The following SLC22A31 variants were observed in gnomAD, a reference collection of about 807,000 sequenced individuals.
The protein encoded by SLC22A31 is putative solute carrier family 22 member 31.
Under a neutral mutation model 27.4 loss-of-function variants are expected in SLC22A31, and 42 were observed. That is an observed-to-expected ratio of 1.53 (90% confidence interval 1.20 to 1.98). The LOEUF (loss-of-function observed/expected upper bound fraction) is 1.98, where lower values mean the gene tolerates loss of function less well. Among genes scored for constraint, SLC22A31 ranks in the 30% most tolerant of loss-of-function variants. The pLI is 0.00. For missense variants in SLC22A31, 593 were observed against 479.9 expected (o/e 1.24, Z -2.20); for synonymous variants, 290 against 230.8 (o/e 1.26, Z -2.33).
At position 89,196,116 on chromosome 16, in the gene SLC22A31, C is replaced by T. The variant is rs1304832368; in HGVS notation, c.1224G>A (p.Gln408=). The change falls in exon 9 of 9, where the codon CAG becomes CAA. Residue 408 remains glutamine (Q), a synonymous_variant. Transcript: ENST00000682282. ...SRSRGLPQSL[Q]DADRLRRSPL... ...GGGAGCGGCGCAGGCGGTCGGCGTC[C>T]TGCAGTGACTGGGGCAGCCCCCGGC... 2 of 1,534,458 alleles carry T rather than the reference C, an allele frequency of 1.3e-6. No homozygotes were observed. The highest frequency in any genetic ancestry group is 1.4e-5 in the African/African-American group (1 of 72,992).
chr16:89,201,501 G>C, upstream of SLC22A31: 1 of 396,798 alleles, frequency 2.5e-6, no homozygotes, highest in Non-Finnish European at 4.5e-6. Flanking sequence ...GGGCAACAGC[G>C]TGGGGTCCGG....
chr16:89,199,950 T>A (rs1288375664), intron 1 of SLC22A31, 134 bp from the exon 2 acceptor site: 1 of 398,742 alleles, frequency 2.5e-6, no homozygotes, highest in African/African-American at 2.1e-5. Context: ...AAGGGGAAAC[T>A]GAGGCATGAG....
In SLC22A31 at chr16:89,199,190, G is replaced by A. The variant is rs1208909636; in HGVS notation, c.285C>T (p.Arg95=). Residue 95 remains arginine, a splice_region_variant and synonymous_variant, in exon 4 of 9, where the codon CGC becomes CGT. Transcript: ENST00000682282. ...GGTGGGGAGGGTCACACAACTCCAG[G>A]CCTGGGCAGACACAGACAGGTTGAA... The part of the protein sequence containing the change: ...AGALLALYLA[R]LELCDPPHRL... The A allele has an allele frequency of 2.0e-6, 3 of 1,526,394 alleles. No homozygotes were observed. Among genetic ancestry groups the A allele is most frequent in the African/African-American group, 1.4e-5 (1 of 72,486 alleles). The allele number at this position is 1,526,394 out of a possible 1,614,324, so 94.6% of individuals were successfully genotyped here.
chr16:89,199,021 AC>A lies in SLC22A31; in HGVS notation c.452+1del, dbSNP rs1181289956. 2 of 1,534,192 alleles carry A rather than the reference AC, an allele frequency of 1.3e-6. No individual in the cohort carries two copies. Among genetic ancestry groups the A allele is most frequent in the Admixed American group, 2.0e-5 (1 of 50,836 alleles). On this transcript the variant is annotated splice_donor_variant, in intron 4 of 8. Transcript: ENST00000682282. LOFTEE classifies it high-confidence loss of function. ...TGCTGGCCCAGCTCCCACCACACTT[AC>A]CCCCAAAAGAGCAGCAAGAGTCCAC...
rs1020848053 is a variant in SLC22A31, at chr16:89,199,733, GAT to G, written c.106_107del (p.Ile36ProfsTer6). The G allele has an allele frequency of 2.5e-6, 1 of 404,968 alleles. No homozygotes were observed. The highest frequency in any genetic ancestry group is 2.1e-5 in the African/African-American group (1 of 48,752). 25.1% of individuals were successfully genotyped at this position (404,968 alleles called of 1,614,324 possible). On this transcript the variant is annotated frameshift_variant, in exon 2 of 9. Transcript: ENST00000682282. LOFTEE classifies it high-confidence loss of function. ...CTCACCGGTCACAGCCTGCTCCCAG[GAT>G]GACACAGCCCAGCAGCCAGCCCAGG... ...HLLGWLLGCV[I>X]LGAGCDRFGR...
At chr16:89,198,866 C>T in intron 4 of SLC22A31, 69 bp from the exon 5 acceptor site, 8 of 1,496,522 alleles carry the variant, frequency 5.3e-6, no homozygotes, top group Non-Finnish European at 7.1e-6. Flanking sequence ...AAGGCCAGGG[C>T]CCCCACCCCA....
chr16:89,201,133 A>G (rs2151617818), upstream of SLC22A31: 3 of 377,100 alleles, frequency 8.0e-6, no homozygotes, highest in Non-Finnish European at 4.7e-6. Context: ...GCCGCCCCGG[A>G]GCAGGAAGCC....
Position 89,198,694 on chromosome 16 carries a change from C to G in SLC22A31, c.556G>C (p.Gly186Arg). ...TCCTCCAAGGAACTGTCCCCGGGGC[C>G]CACGCCACTGGCTTCTGCAAAGCGC... is the stretch of plus-strand genomic sequence containing the variant. ...LWRFAEASGV[G>R]PGDSSLEENS... Residue 186 changes from glycine to arginine, a missense_variant, in exon 5 of 9, where the codon GGC becomes CGC. Gly to Arg is a moderately radical substitution (Grantham distance 125). Coordinates refer to ENST00000682282, the MANE Select transcript of SLC22A31 (RefSeq NM_001384763.1). The G allele has an allele frequency of 6.5e-7, 1 of 1,535,754 alleles. No individual in the cohort carries two copies. The highest frequency in any genetic ancestry group is 1.4e-5 in the African/African-American group (1 of 73,172).
intron 4 of SLC22A31, 53 bp from the exon 5 acceptor site, chr16:89,198,850 G>A: frequency 6.6e-7 from 1 of 1,507,082 alleles, no homozygotes; most frequent in African/African-American, 1.4e-5. Flanking sequence ...CCTGGAAGGA[G>A]AGGCAAAGGC....
intron 1 of SLC22A31, chr16:89,200,106 C>G: frequency 3.3e-6 from 1 of 299,280 alleles, no homozygotes. Flanking sequence ...ATTGCTCTTC[C>G]CCCACGGCCA....
chr16:89,197,701 G>A (rs993480945), intron 7 of SLC22A31, among the ~76,000 whole-genome samples: 1 of 152,168 alleles, frequency 6.6e-6, no homozygotes, highest in African/African-American at 2.4e-5. Flanking sequence ...TTGCAATTTC[G>A]AGAACCGTCC....
At position 89,196,051 on chromosome 16, in the gene SLC22A31, A is replaced by T; in HGVS notation, c.1289T>A (p.Leu430Gln). ...CCAGTAGGAGTTGGAGGGCGGCAGC[A>T]GAGGCAGGTGGTCCTGGCGGGGGCG... ...RGRPRQDHLP[L>Q]LPPSNSYWAG... is the part of the protein sequence containing the mutation. Residue 430 changes from leucine to glutamine, a missense_variant, in exon 9 of 9, where the codon CTG (leucine) becomes CAG (glutamine). Physicochemically the swap from Leu to Gln is moderately radical, Grantham distance 113. Transcript: ENST00000682282. The T allele has an allele frequency of 6.5e-7, 1 of 1,529,986 alleles. No homozygotes were observed. The highest frequency in any genetic ancestry group is 1.2e-5 in the South Asian group (1 of 83,608). 94.8% of individuals were successfully genotyped at this position (1,529,986 alleles called of 1,614,324 possible).
chr16:89,196,018 T>C lies in SLC22A31; in HGVS notation c.1322A>G (p.His441Arg). 1 of 1,515,110 alleles carries C rather than the reference T, an allele frequency of 6.6e-7. No individual in the cohort carries two copies. The highest frequency in any genetic ancestry group is 8.8e-7 in the Non-Finnish European group (1 of 1,136,618). 93.9% of individuals were successfully genotyped at this position (1,515,110 alleles called of 1,614,324 possible). The part of the protein sequence containing the change: ...LPPSNSYWAG[H>R]TPEQH ...GCAGGACTAGTGCTGCTCGGGGGTG[T>C]GGCCGGCCCAGTAGGAGTTGGAGGG... The change falls in exon 9 of 9, where the codon CAC becomes CGC. Residue 441 changes from histidine (H) to arginine (R), a missense_variant. His to Arg is a conservative substitution (Grantham distance 29). Coordinates refer to ENST00000682282, the MANE Select transcript of SLC22A31 (RefSeq NM_001384763.1).
chr16:89,197,240 C>A, intron 8 of SLC22A31, 58 bp downstream of exon 8: 3 of 1,382,458 alleles, frequency 2.2e-6, no homozygotes, highest in Non-Finnish European at 3.0e-6. Context: ...CACCTGGCCC[C>A]TCCTCCCCAT....
rs751780190 is a variant in SLC22A31, at chr16:89,198,232, G to A, written c.812C>T (p.Ala271Val). The change falls in exon 7 of 9, where the codon GCC becomes GTC. Residue 271 changes from alanine to valine, a missense_variant. Coordinates refer to ENST00000682282, the MANE Select transcript of SLC22A31 (RefSeq NM_001384763.1). ...TGCCGTCAGGAGCAGGAAGACCAAGGCTGCCGCCTCCAGGCCGGCCTCCAG... is the reference window on the plus strand; with the variant it reads ...TGCCGTCAGGAGCAGGAAGACCAAGACTGCCGCCTCCAGGCCGGCCTCCAG... The part of the protein sequence containing the change: ...YFLEAGLEAA[A>V]LVFLLLTADC... 15 of 1,535,930 alleles carry A rather than the reference G, an allele frequency of 9.8e-6. No individual in the cohort carries two copies. The South Asian group carries it at 1.8e-4, about 18-fold the overall frequency.
chr16:89,198,502 G>T lies in SLC22A31; in HGVS notation c.647C>A (p.Pro216Gln), dbSNP rs377534909. The T allele has an allele frequency of 6.6e-7, 1 of 1,518,046 alleles. No homozygotes were observed. The highest frequency in any genetic ancestry group is 1.2e-5 in the South Asian group (1 of 81,506). The allele number at this position is 1,518,046 out of a possible 1,614,324, so 94.0% of individuals were successfully genotyped here. ...GACTCGGGTACGCAGAAGCCCCAGT[G>T]GGGAGTGGTACCGGGGCTGGGGGCT... ...ARSPQPRYHS[P>Q]LGLLRTRVTW... The change falls in exon 6 of 9, where the codon CCA (proline) becomes CAA (glutamine). Residue 216 changes from proline (P) to glutamine (Q), a missense_variant. Transcript: ENST00000682282.
At position 89,198,693 on chromosome 16, in the gene SLC22A31, C is replaced by A. The variant is rs74640353; in HGVS notation, c.557G>T (p.Gly186Val). 0.048 allele frequency: 73,065 copies of A among 1,535,258 alleles called. 2,577 individuals are homozygous for A. The highest frequency in any genetic ancestry group is 0.18 in the East Asian group (7,176 of 40,844). ...LWRFAEASGV[G>V]PGDSSLEENS... ...CTCCTCCAAGGAACTGTCCCCGGGG[C>A]CCACGCCACTGGCTTCTGCAAAGCG... The change falls in exon 5 of 9, where the codon GGC (glycine) becomes GTC (valine). Residue 186 changes from glycine (G) to valine (V), a missense_variant. Physicochemically the swap from Gly to Val is moderately radical, Grantham distance 109. Transcript: ENST00000682282.
chr16:89,198,646 C>T lies in SLC22A31; in HGVS notation c.598+6G>A, dbSNP rs1368802736. On this transcript the variant is annotated splice_donor_region_variant and intron_variant, in intron 5 of 8. Transcript: ENST00000682282. ...GAATCTCCCTCCTCCCTGGTAGGCGCCTGACCTGTAGCCAGGGAGTTCTCC... is the reference window on the plus strand; with the variant it reads ...GAATCTCCCTCCTCCCTGGTAGGCGTCTGACCTGTAGCCAGGGAGTTCTCC... 6.5e-7 allele frequency: 1 copy of T among 1,534,962 alleles called. No individual in the cohort carries two copies. The highest frequency in any genetic ancestry group is 8.7e-7 in the Non-Finnish European group (1 of 1,146,156).
Position 89,199,429 on chromosome 16 carries a change from G to A in SLC22A31, c.267C>T (p.Leu89=), listed in dbSNP as rs555882594. The change falls in exon 3 of 9, where the codon CTC becomes CTT. Residue 89 remains leucine, a synonymous_variant. Transcript: ENST00000682282. ...GGTACTCACGAGCCAGATACAGGGC[G>A]AGGAGGGCCCCTGCCAATGTGCCCC... ...LHGGTLAGAL[L]ALYLARLELC... 1.4e-4 allele frequency: 76 copies of A among 550,740 alleles called. 1 individual carries two copies. The highest frequency in any genetic ancestry group is 1.2e-3 in the South Asian group (47 of 37,878). 34.1% of individuals were successfully genotyped at this position (550,740 alleles called of 1,614,324 possible). A position where few individuals can be genotyped will look rare whatever the true frequency, so the allele number is the denominator to read the frequency against.
Sources: allele counts gnomAD v4.1 joint callset (sites outside exome capture counted in the v4.1 genomes callset), GRCh38; gene constraint gnomAD v4.1.1; transcripts MANE v1.5; gene names NCBI Gene and HGNC (gene_info 2026-07-23, HGNC 2026-07-21).